FARS2: variants seen among roughly 807,000 people sequenced by gnomAD.
FARS2 encodes the protein phenylalanyl-tRNA synthetase 2, mitochondrial.
A neutral mutation model predicts 46.4 loss-of-function variants in FARS2; 40 were observed. The ratio of observed to expected loss-of-function variants is 0.86; its 90% confidence interval spans 0.67 to 1.12. The LOEUF (loss-of-function observed/expected upper bound fraction) is 1.12, where lower values mean the gene tolerates loss of function less well. Ranked by LOEUF, FARS2 falls within the 50% of genes most tolerant of loss-of-function variation. The probability of loss-of-function intolerance (pLI) is 0.00; values close to 1 mark genes in which losing one functional copy is unlikely to be tolerated. For missense variants in FARS2, 513 were observed against 567.9 expected, an observed-to-expected ratio of 0.90 and a Z score of 0.98; for synonymous variants, 234 against 214.9, an observed-to-expected ratio of 1.09 and a Z score of -0.78.
chr6:5,578,808 CAAAAAAAAAAAAAA>C (rs56248218), intron 5 of FARS2, among the ~76,000 whole-genome samples: 37 of 124,354 alleles, frequency 3.0e-4, no homozygotes, highest in Admixed American at 2.5e-3. Flanking sequence ...CACTCCGTCT[CAAAAAAAAAAAAAA>C]AAAAAAAAAA....
At chr6:5,638,519 C>G (rs555675675) in intron 6 of FARS2, among the ~76,000 whole-genome samples, 1 of 152,216 alleles carries the variant, frequency 6.6e-6, no homozygotes, top group Non-Finnish European at 1.5e-5. Context: ...GAGCCAAGAT[C>G]GTGCCACTGC....
At chr6:5,280,358 A>G (rs1766634977) in intron 1 of FARS2, among the ~76,000 whole-genome samples, 1 of 152,222 alleles carries the variant, frequency 6.6e-6, no homozygotes, top group Admixed American at 6.5e-5. Context: ...CTTTCTGTAC[A>G]TGCCCACTCA....
At chr6:5,269,497 G>C (rs1479586682) in intron 1 of FARS2, among the ~76,000 whole-genome samples, 3 of 148,616 alleles carry the variant, frequency 2.0e-5, no homozygotes, top group Admixed American at 6.7e-5. Flanking sequence ...AAAAAAAAGA[G>C]AAAAGAAGAG....
intron 5 of FARS2, among the ~76,000 whole-genome samples, chr6:5,578,808 C>CAAAAAAAAAAAAAAAAAAAAAA (rs56248218): frequency 2.4e-5 from 3 of 124,374 alleles, no homozygotes; most frequent in Admixed American, 8.3e-5. Flanking sequence ...CACTCCGTCT[C>CAAAAAAAAAAAAAAAAAAAAAA]AAAAAAAAAA....
chr6:5,690,736 T>C (rs924454390), intron 6 of FARS2, among the ~76,000 whole-genome samples: 1 of 152,214 alleles, frequency 6.6e-6, no homozygotes, highest in African/African-American at 2.4e-5. Context: ...TGAATTTGAA[T>C]GTTGGCCTCC....
intron 1 of FARS2, among the ~76,000 whole-genome samples, chr6:5,300,192 G>C (rs890819925): frequency 1.3e-5 from 2 of 152,156 alleles, no homozygotes; most frequent in African/African-American, 4.8e-5. Context: ...AAAATGATTG[G>C]ATTACTCTGG....
At chr6:5,310,836 G>T (rs749514386) in intron 1 of FARS2, among the ~76,000 whole-genome samples, 2 of 152,228 alleles carry the variant, frequency 1.3e-5, no homozygotes, top group Non-Finnish European at 2.9e-5. Flanking sequence ...ATAGAGAAAT[G>T]TAAGGGGTCA....
At chr6:5,610,308 T>TC (rs1775103506) in intron 5 of FARS2, 1 of 372,546 alleles carries the variant, frequency 2.7e-6, no homozygotes, top group African/African-American at 2.7e-5. Context: ...TTTCAATTCT[T>TC]TTTAAAAAAA....
intron 3 of FARS2, among the ~76,000 whole-genome samples, chr6:5,426,053 T>C (rs915968143): frequency 2.0e-5 from 3 of 152,190 alleles, no homozygotes; most frequent in Non-Finnish European, 4.4e-5. Context: ...CTTTCTTTTA[T>C]GTGGCTCTAG....
intron 3 of FARS2, among the ~76,000 whole-genome samples, chr6:5,413,795 T>A (rs1762071973): frequency 6.6e-6 from 1 of 152,322 alleles, no homozygotes; most frequent in East Asian, 1.9e-4. Flanking sequence ...CTCTTCTTTC[T>A]TATTTTGGTC....
At chr6:5,608,872 T>C (rs1775001856) in intron 5 of FARS2, among the ~76,000 whole-genome samples, 3 of 137,216 alleles carry the variant, frequency 2.2e-5, no homozygotes, top group African/African-American at 2.7e-5. Context: ...CAGAGCAGAC[T>C]AACTTTATAC....
chr6:5,550,828 A>G (rs1771328898), intron 5 of FARS2, among the ~76,000 whole-genome samples: 1 of 151,970 alleles, frequency 6.6e-6, no homozygotes, highest in African/African-American at 2.4e-5. Context: ...ATTCATTGCT[A>G]TTTCTGGCTT....
intron 5 of FARS2, among the ~76,000 whole-genome samples, chr6:5,551,817 C>T (rs1401766763): frequency 6.6e-6 from 1 of 152,126 alleles, no homozygotes; most frequent in Non-Finnish European, 1.5e-5. Context: ...CGTTGCCTTC[C>T]CCCAAGCCCT....
chr6:5,263,478 G>A (rs540401811), intron 1 of FARS2, among the ~76,000 whole-genome samples: 3 of 152,180 alleles, frequency 2.0e-5, no homozygotes, highest in South Asian at 2.1e-4. Context: ...TAATCATTCC[G>A]TAGCTACATC....
At chr6:5,609,013 A>G (rs1775012681) in intron 5 of FARS2, among the ~76,000 whole-genome samples, 1 of 152,206 alleles carries the variant, frequency 6.6e-6, no homozygotes, top group Admixed American at 6.5e-5. Flanking sequence ...CACTTTCCAC[A>G]GAACAGAAAC....
intron 1 of FARS2, among the ~76,000 whole-genome samples, chr6:5,319,689 C>A (rs1288098132): frequency 8.5e-5 from 13 of 152,160 alleles, no homozygotes; most frequent in Non-Finnish European, 1.2e-4. Context: ...CTGCCTTATG[C>A]CCCTTGGTGG....
intron 6 of FARS2, among the ~76,000 whole-genome samples, chr6:5,708,288 A>G (rs1758892009): frequency 6.6e-6 from 1 of 152,126 alleles, no homozygotes. Flanking sequence ...TAAATCTTGC[A>G]TTGGATGGAT....
intron 3 of FARS2, among the ~76,000 whole-genome samples, chr6:5,421,539 A>G (rs1441669660): frequency 6.6e-6 from 1 of 152,126 alleles, no homozygotes; most frequent in Non-Finnish European, 1.5e-5. Context: ...GATTTTCCAA[A>G]CTTTTATGCT....
At chr6:5,626,054 T>C (rs1397400837) in intron 6 of FARS2, among the ~76,000 whole-genome samples, 1 of 152,194 alleles carries the variant, frequency 6.6e-6, no homozygotes, top group African/African-American at 2.4e-5. Flanking sequence ...GAAGGTGTTA[T>C]CATGATTGGA....
Sources: gnomAD v4.1 joint callset for allele counts (sites outside exome capture counted in the v4.1 genomes callset) on GRCh38, gnomAD v4.1.1 for gene constraint, MANE v1.5 for transcripts, NCBI Gene and HGNC (gene_info 2026-07-23, HGNC 2026-07-21) for gene names.